The following MICAL3 variants were observed in gnomAD, a reference collection of about 807,000 sequenced individuals.
The protein encoded by MICAL3 is microtubule associated monooxygenase, calponin and LIM domain containing 3, also known as [F-actin]-monooxygenase MICAL3.
MICAL3 carries 62 observed loss-of-function variants against 207.4 expected under a neutral mutation model. The ratio of observed to expected loss-of-function variants is 0.30; its 90% CI spans 0.24 to 0.37. The LOEUF (loss-of-function observed/expected upper bound fraction) is 0.37. Among genes scored for constraint, MICAL3 ranks in the 10% least tolerant of loss-of-function variants. The pLI is 1.00. For synonymous variants in MICAL3, 1,077 were observed against 1,069.3 expected (o/e 1.01, Z -0.14); for missense variants, 2,368 against 2,635.6 (o/e 0.90, Z 2.22).
chr22:17,910,251 G>C (rs1351308217), intron 1 of MICAL3, among the ~76,000 whole-genome samples: 1 of 152,060 alleles, frequency 6.6e-6, no homozygotes, highest in Non-Finnish European at 1.5e-5. Flanking sequence ...GAGGGTCTTG[G>C]GCACTTATTT....
chr22:17,837,067 G>A, intron 20 of MICAL3, among the ~76,000 whole-genome samples: 1 of 152,192 alleles, frequency 6.6e-6, no homozygotes, highest in East Asian at 1.9e-4. Flanking sequence ...TCCCTTCCCT[G>A]ACAACTGTGC....
intron 28 of MICAL3, among the ~76,000 whole-genome samples, chr22:17,809,363 C>T (rs763149955): frequency 7.9e-5 from 12 of 152,204 alleles, no homozygotes; most frequent in Admixed American, 1.3e-4. Context: ...AGGCCAGGCA[C>T]GGTGGCTCAT....
At chr22:18,023,645 G>T (rs1924621365) in intron 1 of MICAL3, among the ~76,000 whole-genome samples, 1 of 152,252 alleles carries the variant, frequency 6.6e-6, no homozygotes, top group South Asian at 2.1e-4. Context: ...AGGAGGGAAT[G>T]AACTTGGCCG....
At chr22:17,904,542 G>T in intron 3 of MICAL3, 90 bp downstream of exon 3, 1 of 978,434 alleles carries the variant, frequency 1.0e-6, no homozygotes, top group Non-Finnish European at 1.6e-6. Context: ...GGTGGCATAT[G>T]AATTCCTCAG....
At chr22:18,011,496 C>T (rs932522345) in intron 1 of MICAL3, among the ~76,000 whole-genome samples, 8 of 151,402 alleles carry the variant, frequency 5.3e-5, no homozygotes, top group African/African-American at 1.9e-4. Flanking sequence ...TGCGGTGAGC[C>T]GAGATCACTT....
rs568643015 is a variant in MICAL3, at chr22:17,818,405, C to A, written c.4256G>T (p.Arg1419Leu). 2 of 1,611,442 alleles carry A rather than the reference C, an allele frequency of 1.2e-6. No individual in the cohort carries two copies. Among genetic ancestry groups the A allele is most frequent in the East Asian group, 2.2e-5 (1 of 44,868 alleles). Residue 1419 changes from arginine to leucine, a missense_variant, in exon 26 of 32, where the codon CGC (arginine) becomes CTC (leucine). Coordinates refer to ENST00000441493, the MANE Select transcript of MICAL3 (RefSeq NM_015241.3). ...DRELRSAQEERRELSSSSGLG... is the reference protein window; with the variant it reads ...DRELRSAQEELRELSSSSGLG... ...GCCAGAGCTGCTGGACAGCTCCCTGCGCTCCTCCTGGGCGCTGCGTAGCTC... is the reference window on the plus strand; with the variant it reads ...GCCAGAGCTGCTGGACAGCTCCCTGAGCTCCTCCTGGGCGCTGCGTAGCTC...
At chr22:17,797,456 T>C (rs891003154) in intron 29 of MICAL3, among the ~76,000 whole-genome samples, 2 of 152,108 alleles carry the variant, frequency 1.3e-5, no homozygotes, top group Non-Finnish European at 2.9e-5. Context: ...ACTGCACCAC[T>C]GCACTCCAGC....
At chr22:17,930,356 G>T (rs1933182206) in intron 1 of MICAL3, among the ~76,000 whole-genome samples, 1 of 152,194 alleles carries the variant, frequency 6.6e-6, no homozygotes, top group African/African-American at 2.4e-5. Flanking sequence ...ACAAGTAAAA[G>T]AATGCTCATT....
rs200049375 is a variant in MICAL3, at chr22:17,864,942, G to A, written c.2562C>T (p.Asn854=). The A allele has an allele frequency of 2.2e-4, 353 of 1,613,542 alleles. No individual in the cohort carries two copies. Among genetic ancestry groups the A allele is most frequent in the Admixed American group, 2.0e-3 (121 of 60,020 alleles). The change falls in exon 19 of 32, where the codon AAC becomes AAT. Residue 854 remains asparagine (N), a synonymous_variant. Transcript: ENST00000441493. Reference sequence around the variant, plus strand: ...AGCTGGCCACGGCGTTGGCCCGTCCGTTTGCATCTGTGGTGGCGCCATCCT... The same window carrying A: ...AGCTGGCCACGGCGTTGGCCCGTCCATTTGCATCTGTGGTGGCGCCATCCT... ...PLQDGATTDA[N]GRANAVASST...
In MICAL3 at chr22:17,790,868, T is replaced by C. The variant is rs774634742; in HGVS notation, c.5873A>G (p.Asn1958Ser). ...CTGCTCCACCACCTCCAGCATCTCA[T>C]TGAGAATCTGCTTCTCTTCTGACAG... ...EELSEEKQIL[N>S]EMLEVVEQRD... Residue 1958 changes from asparagine (N) to serine (S), a missense_variant, in exon 32 of 32, where the codon AAT (asparagine) becomes AGT (serine). Asn to Ser is a conservative substitution (Grantham distance 46). This residue lies in a region of MICAL3 where 1,770 missense variants were observed against 1,863.2 expected (regional missense o/e 0.95). Transcript: ENST00000441493. The C allele has an allele frequency of 1.7e-5, 28 of 1,613,858 alleles. No homozygotes were observed. Among genetic ancestry groups the C allele is most frequent in the East Asian group, 2.2e-5 (1 of 44,876 alleles).
chr22:17,816,764 G>C lies in MICAL3; in HGVS notation c.5371C>G (p.Leu1791Val). The C allele has an allele frequency of 2.6e-6, 4 of 1,550,978 alleles. No individual in the cohort carries two copies. The highest frequency in any genetic ancestry group is 3.5e-6 in the Non-Finnish European group (4 of 1,147,176). The change falls in exon 27 of 32, where the codon CTG becomes GTG. Residue 1791 changes from leucine to valine, a missense_variant. Around this residue, in one of 4 missense-constraint regions of MICAL3, gnomAD observed 1,770 missense variants for 1,863.2 expected, o/e 0.95. Transcript: ENST00000441493. Reference sequence around the variant, plus strand: ...AGGTCTGAGTCCTCGGAGAAGCTCAGCTGGCGCCGGAGCTGCAGCTCTGTG... The same window carrying C: ...AGGTCTGAGTCCTCGGAGAAGCTCACCTGGCGCCGGAGCTGCAGCTCTGTG... ...VRAELQLRRQ[L>V]SFSEDSDLSS...
Position 17,900,707 on chromosome 22 carries a change from G to C in MICAL3, c.847+135C>G. ...AGCAATGCGCTAGGAAGAAGGAACA[G>C]GAGTGAAAAGAGCAGGAGGGGCAGA... On this transcript the variant is annotated intron_variant, in intron 6 of 31. Transcript: ENST00000441493. This position sits in a 1 kb window ranked among gnomAD's most constrained non-coding sequence, Gnocchi z 4.0. 2 of 676,470 alleles carry C rather than the reference G, an allele frequency of 3.0e-6. No individual in the cohort carries two copies. 41.9% of individuals were successfully genotyped at this position (676,470 alleles called of 1,614,324 possible).
intron 1 of MICAL3, among the ~76,000 whole-genome samples, chr22:17,989,985 G>C (rs1921479850): frequency 6.6e-6 from 1 of 152,144 alleles, no homozygotes; most frequent in African/African-American, 2.4e-5. Flanking sequence ...CAGAGACAAG[G>C]TCGTAGTACA....
intron 17 of MICAL3, among the ~76,000 whole-genome samples, chr22:17,870,404 C>T (rs977003693): frequency 3.3e-5 from 5 of 152,302 alleles, no homozygotes; most frequent in Admixed American, 6.5e-5. Context: ...TGCACACACT[C>T]GTGTCGCCTG....
At chr22:18,022,125 T>A (rs5992969) in intron 1 of MICAL3, among the ~76,000 whole-genome samples, 11,838 of 152,104 alleles carry the variant, frequency 0.078, 905 homozygotes, top group East Asian at 0.27. Flanking sequence ...CGCTGTGGAG[T>A]GTCTGCCTCC....
chr22:17,878,043 C>T (rs1281657988), intron 16 of MICAL3, among the ~76,000 whole-genome samples: 3 of 152,132 alleles, frequency 2.0e-5, no homozygotes, highest in Non-Finnish European at 4.4e-5. Flanking sequence ...TCAGTAGAGA[C>T]AGGTTTTCAC....
intron 1 of MICAL3, among the ~76,000 whole-genome samples, chr22:17,931,505 T>C (rs1364780639): frequency 6.6e-6 from 1 of 152,196 alleles, no homozygotes; most frequent in Non-Finnish European, 1.5e-5. Context: ...GGTTGTGTGC[T>C]ATATAAATAG....
chr22:17,833,230 C>A (rs1400578682), intron 20 of MICAL3, among the ~76,000 whole-genome samples: 5 of 152,266 alleles, frequency 3.3e-5, no homozygotes, highest in African/African-American at 9.6e-5. Context: ...AAAACCCCAA[C>A]ATTGCTGCAC....
At chr22:17,937,485 G>T (rs2146330561) in intron 1 of MICAL3, among the ~76,000 whole-genome samples, 1 of 152,162 alleles carries the variant, frequency 6.6e-6, no homozygotes, top group South Asian at 2.1e-4. Flanking sequence ...CCAACATGGA[G>T]AAACGCCGTC....
Sources: allele counts gnomAD v4.1 joint callset (sites outside exome capture counted in the v4.1 genomes callset), GRCh38; gene constraint gnomAD v4.1.1; regional missense constraint gnomAD v4.1.1; non-coding constraint Gnocchi (gnomAD v3.1); transcripts MANE v1.5; gene names NCBI Gene and HGNC (gene_info 2026-07-23, HGNC 2026-07-21).